Variants in DLG2 observed in about 807,000 individuals in gnomAD.
DLG2 encodes discs large MAGUK scaffold protein 2, also known as disks large homolog 2.
DLG2 carries 45 observed loss-of-function variants against 132.5 expected under a neutral mutation model. The ratio of observed to expected loss-of-function variants is 0.34; its 90% CI spans 0.27 to 0.44. DLG2 has a LOEUF of 0.44. Among genes scored for constraint, DLG2 ranks in the 20% least tolerant of loss-of-function variants. DLG2 has a pLI of 1.00. For synonymous variants in DLG2, 424 were observed against 419.6 expected (o/e 1.01, Z -0.13); for missense variants, 1,045 against 1,196.9 (o/e 0.87, Z 1.87).
chr11:84,362,229 A>G (rs897902880), intron 7 of DLG2, among the ~76,000 whole-genome samples: 9 of 151,966 alleles, frequency 5.9e-5, no homozygotes, highest in Non-Finnish European at 1.3e-4. Flanking sequence ...TCTCACGCCC[A>G]GTTCAGTACT....
intron 6 of DLG2, among the ~76,000 whole-genome samples, chr11:85,012,634 T>G (rs191945715): frequency 2.0e-5 from 3 of 152,082 alleles, no homozygotes; most frequent in Non-Finnish European, 4.4e-5. Flanking sequence ...ATGAAAAAAA[T>G]TATTTGCTGA....
chr11:83,932,718 T>A (rs913062139), intron 14 of DLG2, among the ~76,000 whole-genome samples: 3 of 142,948 alleles, frequency 2.1e-5, no homozygotes, highest in Non-Finnish European at 4.6e-5. Context: ...TTTTTTTTTT[T>A]AGCCATTCTT....
At chr11:83,963,789 C>G (rs1439372725) in intron 13 of DLG2, among the ~76,000 whole-genome samples, 1 of 152,042 alleles carries the variant, frequency 6.6e-6, no homozygotes, top group Admixed American at 6.6e-5. Context: ...TTCCTGACAT[C>G]TGTACCTTTG....
intron 9 of DLG2, among the ~76,000 whole-genome samples, chr11:84,145,629 T>G (rs1192822691): frequency 6.6e-6 from 1 of 152,184 alleles, no homozygotes; most frequent in Non-Finnish European, 1.5e-5. Flanking sequence ...AACAAGTGAT[T>G]CGCAGAAGAA....
chr11:84,950,682 C>T (rs764262380), intron 6 of DLG2, among the ~76,000 whole-genome samples: 30 of 151,948 alleles, frequency 2.0e-4, no homozygotes, highest in Non-Finnish European at 2.4e-4. Flanking sequence ...TGCTCCTTTT[C>T]TCTTGTTCCC....
intron 3 of DLG2, among the ~76,000 whole-genome samples, chr11:85,567,253 A>G (rs1008562393): frequency 6.6e-6 from 1 of 152,238 alleles, no homozygotes; most frequent in African/African-American, 2.4e-5. Flanking sequence ...ATCTATATCA[A>G]TACAGGAAGT....
intron 6 of DLG2, among the ~76,000 whole-genome samples, chr11:84,678,094 C>G (rs563375304): frequency 1.3e-5 from 2 of 152,146 alleles, no homozygotes; most frequent in Admixed American, 6.6e-5. Context: ...TTAAAAGACT[C>G]TATGGAAAAG....
chr11:83,588,892 G>A (rs951718211), intron 19 of DLG2, among the ~76,000 whole-genome samples: 1 of 151,750 alleles, frequency 6.6e-6, no homozygotes, highest in African/African-American at 2.4e-5. Context: ...GGGTATCAGT[G>A]ATGGAAGATG....
chr11:85,013,139 C>T (rs2059293879), intron 6 of DLG2, among the ~76,000 whole-genome samples: 1 of 152,162 alleles, frequency 6.6e-6, no homozygotes, highest in South Asian at 2.1e-4. Context: ...TAACGTTTAT[C>T]ATCCCTATTG....
chr11:85,434,976 A>G (rs140283714), intron 3 of DLG2, among the ~76,000 whole-genome samples: 265 of 152,296 alleles, frequency 1.7e-3, no homozygotes, highest in African/African-American at 6.0e-3. Context: ...ATCCACCACA[A>G]TCAAGTCGGC....
chr11:85,080,356 T>TA (rs35770696), intron 6 of DLG2, among the ~76,000 whole-genome samples: 25 of 152,116 alleles, frequency 1.6e-4, no homozygotes, highest in African/African-American at 5.1e-4. Context: ...CAATGTTTTT[T>TA]AAAAAAAGGA....
At chr11:83,593,743 A>T (rs190398990) in intron 19 of DLG2, among the ~76,000 whole-genome samples, 3 of 152,120 alleles carry the variant, frequency 2.0e-5, no homozygotes, top group Admixed American at 6.5e-5. Context: ...AGTCCTGGCA[A>T]GTATGAAGTT....
At chr11:84,786,352 A>G (rs764313792) in intron 6 of DLG2, among the ~76,000 whole-genome samples, 4 of 152,218 alleles carry the variant, frequency 2.6e-5, no homozygotes, top group Admixed American at 1.3e-4. Context: ...ATGAAGTATC[A>G]TAAACCACAG....
At chr11:84,805,747 G>A (rs2075919204) in intron 6 of DLG2, among the ~76,000 whole-genome samples, 1 of 152,152 alleles carries the variant, frequency 6.6e-6, no homozygotes, top group Non-Finnish European at 1.5e-5. Flanking sequence ...CCAAGCAGAT[G>A]CTAGCATCAT....
chr11:84,467,195 G>T (rs1340782736), intron 7 of DLG2, among the ~76,000 whole-genome samples: 4 of 151,160 alleles, frequency 2.6e-5, no homozygotes, highest in Non-Finnish European at 5.9e-5. Flanking sequence ...AATTTGAAGG[G>T]ATTCCCCTAG....
At chr11:85,202,178 A>C (rs1476299030) in intron 4 of DLG2, among the ~76,000 whole-genome samples, 3 of 151,882 alleles carry the variant, frequency 2.0e-5, no homozygotes, top group Non-Finnish European at 4.4e-5. Flanking sequence ...GCAAACCTGG[A>C]AAAAAATATA....
At chr11:84,922,500 G>A (rs1251284848) in intron 6 of DLG2, among the ~76,000 whole-genome samples, 1 of 152,084 alleles carries the variant, frequency 6.6e-6, no homozygotes, top group African/African-American at 2.4e-5. Flanking sequence ...GACAACAGCG[G>A]GACAGCAGCG....
intron 15 of DLG2, among the ~76,000 whole-genome samples, chr11:83,920,543 C>A (rs954009381): frequency 6.6e-6 from 1 of 152,058 alleles, no homozygotes; most frequent in African/African-American, 2.4e-5. Flanking sequence ...TTATAACAGT[C>A]TTTTGAAAAA....
At chr11:84,719,757 G>T (rs1366186652) in intron 6 of DLG2, among the ~76,000 whole-genome samples, 3 of 152,142 alleles carry the variant, frequency 2.0e-5, no homozygotes, top group South Asian at 4.1e-4. Context: ...ATTTCAAGTG[G>T]ATTGTATAAA....
Sources: allele counts gnomAD v4.1 joint callset (sites outside exome capture counted in the v4.1 genomes callset), GRCh38; gene constraint gnomAD v4.1.1; transcripts MANE v1.5; gene names NCBI Gene and HGNC (gene_info 2026-07-23, HGNC 2026-07-21).